TOB1: variants seen among roughly 807,000 people sequenced by gnomAD.
TOB1 encodes the protein transducer of ERBB2, 1.
TOB1 carries 2 observed loss-of-function variants against 22.9 expected under a neutral mutation model. That is an observed-to-expected ratio of 0.09 (90% CI 0.04 to 0.28). The LOEUF is 0.28. TOB1 is among the 10% of genes least tolerant of loss of function. The pLI, the probability that TOB1 is intolerant of heterozygous loss-of-function variation, is 1.00. For missense variants in TOB1, 299 were observed against 420.5 expected, an observed-to-expected ratio of 0.71 and a Z score of 2.53; for synonymous variants, 154 against 150.6, an observed-to-expected ratio of 1.02 and a Z score of -0.17.
chr17:50,863,801 T>G lies in TOB1; in HGVS notation c.217A>C (p.Lys73Gln). ...KVDPVIEQAS[K>Q]ESGLDIDDVR... ...TCATCAATGTCCAAACCACTCTCTT[T>G]GGATGCTTGTTCAATCACTGGGTCC... is the stretch of plus-strand genomic sequence containing the variant. Residue 73 changes from lysine to glutamine, a missense_variant, in exon 2 of 2, where the codon AAA becomes CAA. Coordinates refer to ENST00000499247, the MANE Select transcript of TOB1 (RefSeq NM_005749.4). 1 of 1,614,146 alleles carries G rather than the reference T, an allele frequency of 6.2e-7. No individual in the cohort carries two copies. The highest frequency in any genetic ancestry group is 2.2e-5 in the East Asian group (1 of 44,886).
Position 50,863,466 on chromosome 17 carries a change from G to C in TOB1, c.552C>G (p.Ala184=). Residue 184 remains alanine, a synonymous_variant, in exon 2 of 2, where the codon GCC becomes GCG. Coordinates refer to ENST00000499247, the MANE Select transcript of TOB1 (RefSeq NM_005749.4). The stretch of plus-strand genomic sequence containing the variant: ...TCATTTTGGTAGAGCCGAACTTGGT[G>C]GCAGCAAAAGTGGCAGTGGTAAAGG... ...PLTFTTATFA[A]TKFGSTKMKN... The C allele has an allele frequency of 6.2e-7, 1 of 1,614,192 alleles. No individual in the cohort carries two copies. Among genetic ancestry groups the C allele is most frequent in the Non-Finnish European group, 8.5e-7 (1 of 1,180,040 alleles).
In TOB1 at chr17:50,862,944, C is replaced by T. The variant is rs371008613; in HGVS notation, c.*36G>A. 27 of 1,537,130 alleles carry T rather than the reference C, an allele frequency of 1.8e-5. No homozygotes were observed. The highest frequency in any genetic ancestry group is 1.8e-4 in the Middle Eastern group (1 of 5,592). The stretch of plus-strand genomic sequence containing the variant: ...TGAAAAAAAAAATCCCCCTTGGGCC[C>T]GTGCATTTTAACTTGTACGATACAT... On this transcript the variant is annotated 3_prime_UTR_variant, in exon 2 of 2. Coordinates refer to ENST00000499247, the MANE Select transcript of TOB1 (RefSeq NM_005749.4).
rs774217503 is a variant in TOB1, at chr17:50,862,431, A to C, written c.*549T>G. 5 of 152,650 alleles carry C rather than the reference A, an allele frequency of 3.3e-5. No homozygotes were observed. Among genetic ancestry groups the C allele is most frequent in the Non-Finnish European group, 7.4e-5 (5 of 68,024 alleles). The allele number at this position is 152,650 out of a possible 1,614,324, so 9.5% of individuals were successfully genotyped here. Reference sequence around the variant, plus strand: ...TTTAACAGAAAATACATTTTTTTGAAAAAGCAAGTATTCGTACATTTTAAT... The same window carrying C: ...TTTAACAGAAAATACATTTTTTTGACAAAGCAAGTATTCGTACATTTTAAT... On this transcript the variant is annotated 3_prime_UTR_variant, in exon 2 of 2. Transcript: ENST00000499247.
rs1452282954 is a variant in TOB1 at position 50,863,603 on chromosome 17, A to T, written c.415T>A (p.Phe139Ile). The T allele has an allele frequency of 1.2e-6, 2 of 1,614,004 alleles. No homozygotes were observed. Among genetic ancestry groups the T allele is most frequent in the Admixed American group, 3.3e-5 (2 of 59,996 alleles). ...KNSFNPEAQV[F>I]MPISDPASSV... ...GAGGCTGGGTCACTTATGGGCATAAAAACCTGGGCCTCTGGGTTAAAGCTG... is the reference window on the plus strand; with the variant it reads ...GAGGCTGGGTCACTTATGGGCATAATAACCTGGGCCTCTGGGTTAAAGCTG... Residue 139 changes from phenylalanine (F) to isoleucine (I), a missense_variant, in exon 2 of 2, where the codon TTT (phenylalanine) becomes ATT (isoleucine). Physicochemically the swap from Phe to Ile is conservative, Grantham distance 21. Coordinates refer to ENST00000499247, the MANE Select transcript of TOB1 (RefSeq NM_005749.4).
At chr17:50,865,808 A>G (rs1000306595) in intron 1 of TOB1, among the ~76,000 whole-genome samples, 38 of 151,120 alleles carry the variant, frequency 2.5e-4, no homozygotes, top group South Asian at 1.0e-3. Flanking sequence ...CAACCCCCCA[A>G]TTCCCGTCAG....
chr17:50,863,463 G>A lies in TOB1; in HGVS notation c.555C>T (p.Thr185=). 6.2e-7 allele frequency: 1 copy of A among 1,614,176 alleles called. No homozygotes were observed. The highest frequency in any genetic ancestry group is 2.2e-5 in the East Asian group (1 of 44,886). ...TCTTCATTTTGGTAGAGCCGAACTT[G>A]GTGGCAGCAAAAGTGGCAGTGGTAA... ...LTFTTATFAA[T]KFGSTKMKNS... is the part of the protein sequence containing the mutation. Residue 185 remains threonine (T), a synonymous_variant, in exon 2 of 2, where the codon ACC becomes ACT. Coordinates refer to ENST00000499247, the MANE Select transcript of TOB1 (RefSeq NM_005749.4).
Position 50,864,104 on chromosome 17 carries a change from A to C in TOB1, c.-87T>G. ...GATGTTCAGTTTGTGGCAGAGAAAC[A>C]AATTTTCATTCAAAGTGCTGGTATT... is the stretch of plus-strand genomic sequence containing the variant. On this transcript the variant is annotated 5_prime_UTR_variant, in exon 2 of 2. Coordinates refer to ENST00000499247, the MANE Select transcript of TOB1 (RefSeq NM_005749.4). 7.0e-7 allele frequency: 1 copy of C among 1,425,106 alleles called. No individual in the cohort carries two copies. Among genetic ancestry groups the C allele is most frequent in the East Asian group, 2.5e-5 (1 of 39,644 alleles). The allele number at this position is 1,425,106 out of a possible 1,614,324, so 88.3% of individuals were successfully genotyped here. A position where few individuals can be genotyped will look rare whatever the true frequency, so the allele number is the denominator to read the frequency against.
chr17:50,866,376 C>T (rs917969887), upstream of TOB1: 2 of 152,194 alleles, frequency 1.3e-5, no homozygotes, highest in African/African-American at 2.4e-5. Context: ...CGCCCCGCCT[C>T]TCGTTTTATG....
intron 1 of TOB1, among the ~76,000 whole-genome samples, chr17:50,864,565 G>C (rs776932271): frequency 6.6e-6 from 1 of 151,902 alleles, no homozygotes; most frequent in Non-Finnish European, 1.5e-5. Context: ...CTTTTAGGTA[G>C]TAATTTTTAT....
Position 50,863,293 on chromosome 17 carries a change from TGCTGTG to T in TOB1, c.719_724del (p.Pro240_Gln241del), listed in dbSNP as rs1223953054. 6.2e-7 allele frequency: 1 copy of T among 1,613,524 alleles called. No individual in the cohort carries two copies. Among genetic ancestry groups the T allele is most frequent in the African/African-American group, 1.3e-5 (1 of 75,036 alleles). On this transcript the variant is annotated inframe_deletion, in exon 2 of 2. Transcript: ENST00000499247. Reference sequence around the variant, plus strand: ...TGGCGGCTGGGCTGGCTGCTGCTGTTGCTGTGGCTGCTGCTGGCTACCCAAGCCAAG... The same window carrying T: ...TGGCGGCTGGGCTGGCTGCTGCTGTTGCTGCTGCTGGCTACCCAAGCCAAG...
In TOB1 at chr17:50,863,203, T is replaced by G. The variant is rs779065623; in HGVS notation, c.815A>C (p.Lys272Thr). 5.6e-6 allele frequency: 9 copies of G among 1,614,046 alleles called. No homozygotes were observed. The Admixed American group carries it at 1.5e-4, about 27-fold the overall frequency. ...QKTSALSPNAKEFIFPNMQGQ... is the reference protein window; with the variant it reads ...QKTSALSPNATEFIFPNMQGQ... ...CTGCATATTAGGAAAAATAAATTCC[T>G]TGGCATTAGGAGAAAGAGCAGAGGT... Residue 272 changes from lysine to threonine, a missense_variant, in exon 2 of 2, where the codon AAG becomes ACG. Coordinates refer to ENST00000499247, the MANE Select transcript of TOB1 (RefSeq NM_005749.4).
At position 50,863,310 on chromosome 17, in the gene TOB1, G is replaced by A; in HGVS notation, c.708C>T (p.Ser236=). 6.2e-7 allele frequency: 1 copy of A among 1,614,086 alleles called. No homozygotes were observed. The highest frequency in any genetic ancestry group is 2.2e-5 in the East Asian group (1 of 44,886). ...GCTGCTGTTGCTGTGGCTGCTGCTG[G>A]CTACCCAAGCCAAGCCCATACAGAG... ...MHSLYGLGLG[S]QQQPQQQQQP... The change falls in exon 2 of 2, where the codon AGC becomes AGT. Residue 236 remains serine, a synonymous_variant. Transcript: ENST00000499247.
At position 50,862,567 on chromosome 17, in the gene TOB1, C is replaced by T. The variant is rs766659714; in HGVS notation, c.*413G>A. 1 of 155,454 alleles carries T rather than the reference C, an allele frequency of 6.4e-6. No homozygotes were observed. Among genetic ancestry groups the T allele is most frequent in the Admixed American group, 6.5e-5 (1 of 15,360 alleles). 9.6% of individuals were successfully genotyped at this position (155,454 alleles called of 1,614,324 possible). On this transcript the variant is annotated 3_prime_UTR_variant, in exon 2 of 2. Coordinates refer to ENST00000499247, the MANE Select transcript of TOB1 (RefSeq NM_005749.4). ...ATACAACATGAAGCTGCTGCTGTCA[C>T]AGATCACTGTAGTAAAAAGATATAA...
At chr17:50,864,261 G>T in intron 1 of TOB1, 98 bp from the exon 2 acceptor site, 2 of 629,226 alleles carry the variant, frequency 3.2e-6, no homozygotes, top group Non-Finnish European at 4.5e-6. Flanking sequence ...AAATGTCTAA[G>T]ATCCTGTGTT....
chr17:50,863,669 T>C lies in TOB1; in HGVS notation c.349A>G (p.Asn117Asp), dbSNP rs199964464. The C allele has an allele frequency of 2.5e-5, 40 of 1,614,166 alleles. No individual in the cohort carries two copies. The highest frequency in any genetic ancestry group is 2.0e-4 in the South Asian group (18 of 91,080). ...TCCAACTCACATCCATTTTCATTAT[T>C]ATCATCCACGTAAAGCACCTTCACT... is the stretch of plus-strand genomic sequence containing the variant. The part of the protein sequence containing the change: ...GPVKVLYVDD[N>D]NENGCELDKE... Residue 117 changes from asparagine to aspartate, a missense_variant, in exon 2 of 2, where the codon AAT becomes GAT. Transcript: ENST00000499247.
chr17:50,862,815 G>A lies in TOB1; in HGVS notation c.*165C>T. The A allele has an allele frequency of 1.0e-6, 1 of 980,688 alleles. No homozygotes were observed. The highest frequency in any genetic ancestry group is 2.8e-5 in the East Asian group (1 of 36,080). The allele number at this position is 980,688 out of a possible 1,614,324, so 60.7% of individuals were successfully genotyped here. A position where few individuals can be genotyped will look rare whatever the true frequency, so the allele number is the denominator to read the frequency against. ...TACAGTCAGTATAAAATAACTTTGTGCTTGGTTGGCAAATGAAAAATGATG... is the reference window on the plus strand; with the variant it reads ...TACAGTCAGTATAAAATAACTTTGTACTTGGTTGGCAAATGAAAAATGATG... On this transcript the variant is annotated 3_prime_UTR_variant, in exon 2 of 2. Coordinates refer to ENST00000499247, the MANE Select transcript of TOB1 (RefSeq NM_005749.4).
intron 1 of TOB1, among the ~76,000 whole-genome samples, chr17:50,865,455 C>T (rs1269099079): frequency 6.6e-6 from 1 of 152,214 alleles, no homozygotes; most frequent in Non-Finnish European, 1.5e-5. Flanking sequence ...GCCCTCGGAG[C>T]CCAAGCGCTA....
In TOB1 at chr17:50,863,411, GTGCAAC is replaced by G; in HGVS notation, c.601_606del (p.Val201_Ala202del). ...AAGCCGAGGTTGATGGGAGAAGTACGTGCAACCTTGTTGCTACGGCCACTATTCTTC... is the reference window on the plus strand; with the variant it reads ...AAGCCGAGGTTGATGGGAGAAGTACGCTTGTTGCTACGGCCACTATTCTTC... On this transcript the variant is annotated inframe_deletion, in exon 2 of 2. Transcript: ENST00000499247. The G allele has an allele frequency of 6.2e-7, 1 of 1,614,184 alleles. No homozygotes were observed. The highest frequency in any genetic ancestry group is 8.5e-7 in the Non-Finnish European group (1 of 1,180,040).
chr17:50,863,883 A>G lies in TOB1; in HGVS notation c.135T>C (p.Tyr45=), dbSNP rs1972256946. Residue 45 remains tyrosine (Y), a synonymous_variant, in exon 2 of 2, where the codon TAT becomes TAC. Transcript: ENST00000499247. Reference sequence around the variant, plus strand: ...CCGATCCTTTGTATGGCTTTTCAGGATACCAGTGCCCTTCATATTTCTTCT... The same window carrying G: ...CCGATCCTTTGTATGGCTTTTCAGGGTACCAGTGCCCTTCATATTTCTTCT... ...LLKKKYEGHW[Y]PEKPYKGSGF... 3 of 1,614,140 alleles carry G rather than the reference A, an allele frequency of 1.9e-6. No individual in the cohort carries two copies. Among genetic ancestry groups the G allele is most frequent in the Non-Finnish European group, 2.5e-6 (3 of 1,180,038 alleles).
Sources: gnomAD v4.1 joint callset for allele counts (sites outside exome capture counted in the v4.1 genomes callset) on GRCh38, gnomAD v4.1.1 for gene constraint, MANE v1.5 for transcripts, NCBI Gene and HGNC (gene_info 2026-07-23, HGNC 2026-07-21) for gene names.